ADAM18: variants seen among roughly 807,000 people sequenced by gnomAD.
The protein encoded by ADAM18 is ADAM metallopeptidase domain 18.
A neutral mutation model predicts 94.4 loss-of-function variants in ADAM18; 117 were observed. The observed-to-expected ratio is 1.24, with a 90% CI of 1.07 to 1.45. The LOEUF (loss-of-function observed/expected upper bound fraction) is 1.45, where lower values mean the gene tolerates loss of function less well. Ranked by LOEUF, ADAM18 falls within the 40% of genes most tolerant of loss-of-function variation. The pLI is 0.00. For missense variants in ADAM18, 936 were observed against 880.0 expected, an observed-to-expected ratio of 1.06 and a Z score of -0.81; for synonymous variants, 327 against 291.6, an observed-to-expected ratio of 1.12 and a Z score of -1.24.
intron 13 of ADAM18, among the ~76,000 whole-genome samples, chr8:39,666,597 T>C (rs964361417): frequency 4.6e-5 from 7 of 152,180 alleles, no homozygotes; most frequent in African/African-American, 1.7e-4. Context: ...CAGCTCCTCA[T>C]GGCTGGGAAG....
intron 2 of ADAM18, among the ~76,000 whole-genome samples, chr8:39,602,478 G>A (rs1373762983): frequency 6.6e-6 from 1 of 152,070 alleles, no homozygotes; most frequent in Non-Finnish European, 1.5e-5. Context: ...TACTGGAACT[G>A]CCTTGAATCC....
intron 12 of ADAM18, 21 bp downstream of exon 12, chr8:39,648,548 C>A: frequency 6.4e-7 from 1 of 1,574,250 alleles, no homozygotes; most frequent in Non-Finnish European, 8.6e-7. Context: ...AAGATTGAAA[C>A]TCGAGCACAA....
intron 19 of ADAM18, among the ~76,000 whole-genome samples, chr8:39,726,090 T>A (rs1451828440): frequency 6.6e-6 from 1 of 152,064 alleles, no homozygotes; most frequent in Non-Finnish European, 1.5e-5. Context: ...GAAAGTAATA[T>A]CTCATAGTGG....
chr8:39,678,438 C>G (rs1203091964), intron 15 of ADAM18, among the ~76,000 whole-genome samples: 1 of 152,142 alleles, frequency 6.6e-6, no homozygotes, highest in African/African-American at 2.4e-5. Flanking sequence ...CAGAACTTCC[C>G]ACTTGCCCCA....
At chr8:39,684,497 A>G (rs117643800) in intron 16 of ADAM18, among the ~76,000 whole-genome samples, 5 of 152,136 alleles carry the variant, frequency 3.3e-5, no homozygotes, top group African/African-American at 9.7e-5. Context: ...CCCAATCTCA[A>G]TGGATTTGCT....
rs1280194526 is a variant in ADAM18, at chr8:39,585,275, G to C, written c.56-1G>C. ...AAAACAAACACATTTTCTTACTGCAGGTTCTGAAGGAATATTTCTGCATGT... is the reference window on the plus strand; with the variant it reads ...AAAACAAACACATTTTCTTACTGCACGTTCTGAAGGAATATTTCTGCATGT... On this transcript the variant is annotated splice_acceptor_variant, in intron 1 of 19. Coordinates refer to ENST00000265707, the MANE Select transcript of ADAM18 (RefSeq NM_014237.3). LOFTEE classifies it high-confidence loss of function. The C allele has an allele frequency of 6.2e-7, 1 of 1,610,876 alleles. No homozygotes were observed. Among genetic ancestry groups the C allele is most frequent in the African/African-American group, 1.3e-5 (1 of 74,860 alleles).
chr8:39,622,659 TCAAA>T (rs1367320112), intron 6 of ADAM18, among the ~76,000 whole-genome samples: 3 of 152,038 alleles, frequency 2.0e-5, no homozygotes, highest in Non-Finnish European at 1.5e-5. Flanking sequence ...AATAATACAA[TCAAA>T]CTTATTAATT....
chr8:39,611,598 T>C, intron 6 of ADAM18: 1 of 985,094 alleles, frequency 1.0e-6, no homozygotes, highest in Non-Finnish European at 1.2e-6. Context: ...AGGTAAGAGA[T>C]ATGGAAAGCT....
intron 6 of ADAM18, among the ~76,000 whole-genome samples, chr8:39,622,513 C>T (rs1350812172): frequency 6.6e-6 from 1 of 151,624 alleles, no homozygotes; most frequent in African/African-American, 2.4e-5. Context: ...AAATAAAGCA[C>T]ATGAGAATCT....
intron 15 of ADAM18, among the ~76,000 whole-genome samples, chr8:39,678,662 T>C (rs533654378): frequency 6.6e-6 from 1 of 152,170 alleles, no homozygotes; most frequent in Non-Finnish European, 1.5e-5. Flanking sequence ...TTCTTCCTGA[T>C]GTCCAGAGGC....
At chr8:39,644,115 T>C (rs1006480771) in intron 10 of ADAM18, among the ~76,000 whole-genome samples, 1 of 152,138 alleles carries the variant, frequency 6.6e-6, no homozygotes, top group Non-Finnish European at 1.5e-5. Context: ...GATTTTCTAG[T>C]TATACATTTA....
chr8:39,696,577 A>G (rs1040243660), intron 17 of ADAM18, among the ~76,000 whole-genome samples: 1 of 151,476 alleles, frequency 6.6e-6, no homozygotes, highest in Non-Finnish European at 1.5e-5. Context: ...GTCTAACTAT[A>G]TTTTTACATA....
chr8:39,637,161 A>T, intron 7 of ADAM18, 103 bp from the exon 8 acceptor site: 2 of 843,200 alleles, frequency 2.4e-6, no homozygotes, highest in Non-Finnish European at 1.7e-6. Flanking sequence ...GTACTTTAAA[A>T]CAGCTCTAGA....
chr8:39,673,505 C>G (rs1014226468), intron 14 of ADAM18, among the ~76,000 whole-genome samples: 18 of 148,304 alleles, frequency 1.2e-4, no homozygotes, highest in Middle Eastern at 3.4e-3. Context: ...ATGTGACGTT[C>G]CCCGCCCTGT....
intron 1 of ADAM18, among the ~76,000 whole-genome samples, chr8:39,585,012 C>G (rs1039711171): frequency 6.6e-6 from 1 of 152,152 alleles, no homozygotes; most frequent in Non-Finnish European, 1.5e-5. Flanking sequence ...GGAAGCAAGT[C>G]TCTCATCGAT....
At chr8:39,633,401 G>A (rs966044651) in intron 7 of ADAM18, among the ~76,000 whole-genome samples, 6 of 152,224 alleles carry the variant, frequency 3.9e-5, no homozygotes, top group African/African-American at 1.4e-4. Context: ...CATAAGAAGA[G>A]AAGTAGGGAA....
chr8:39,676,619 G>A (rs145308052), intron 14 of ADAM18, among the ~76,000 whole-genome samples: 25 of 151,876 alleles, frequency 1.6e-4, no homozygotes, highest in African/African-American at 3.6e-4. Context: ...GCAACGCCCC[G>A]CCCTGCTTCA....
At chr8:39,654,121 A>G (rs553240625) in intron 12 of ADAM18, among the ~76,000 whole-genome samples, 2 of 148,898 alleles carry the variant, frequency 1.3e-5, no homozygotes, top group African/African-American at 5.0e-5. Flanking sequence ...CTCCAGTTAC[A>G]TCCATGTTGC....
intron 6 of ADAM18, among the ~76,000 whole-genome samples, chr8:39,626,512 C>A (rs1279666045): frequency 6.6e-6 from 1 of 151,820 alleles, no homozygotes; most frequent in Admixed American, 6.6e-5. Flanking sequence ...AATTTGTGGT[C>A]TTTCAGTCTT....
Sources: gnomAD v4.1 joint callset for allele counts (sites outside exome capture counted in the v4.1 genomes callset) on GRCh38, gnomAD v4.1.1 for gene constraint, MANE v1.5 for transcripts, NCBI Gene and HGNC (gene_info 2026-07-23, HGNC 2026-07-21) for gene names.